The following DARS1 variants were observed in gnomAD, a reference collection of about 807,000 sequenced individuals.
DARS1 encodes the protein aspartyl-tRNA synthetase 1, also known as aspartate--tRNA ligase, cytoplasmic.
DARS1 carries 51 observed loss-of-function variants against 68.8 expected under a neutral mutation model. That is an observed-to-expected ratio of 0.74 (90% CI 0.59 to 0.94). DARS1 has a LOEUF of 0.94. Ranked by LOEUF, DARS1 falls within the 40% of genes least tolerant of loss-of-function variation. DARS1 has a pLI of 0.00. For missense variants in DARS1, 607 were observed against 597.3 expected, an observed-to-expected ratio of 1.02 and a Z score of -0.17; for synonymous variants, 203 against 190.4, an observed-to-expected ratio of 1.07 and a Z score of -0.55.
intron 1 of DARS1, chr2:135,985,108 T>C (rs1682743356): frequency 6.1e-6 from 3 of 493,592 alleles, no homozygotes; most frequent in African/African-American, 3.8e-5. Context: ...CCAGAGAGAC[T>C]CAAGTGTGAC....
Position 135,907,340 on chromosome 2 carries a change from A to G in DARS1, c.1482T>C (p.Arg494=), listed in dbSNP as rs766655730. Residue 494 remains arginine, a synonymous_variant, in exon 16 of 16, where the codon CGT becomes CGC. Coordinates refer to ENST00000264161, the MANE Select transcript of DARS1 (RefSeq NM_001349.4). ...HNVRQTSMFP[R]DPKRLTP is the part of the protein sequence containing the mutation. Reference sequence around the variant, plus strand: ...TTTAAGGAGTGAGTCGTTTGGGATCACGAGGGAACATGGAGGTCTGACGAA... The same window carrying G: ...TTTAAGGAGTGAGTCGTTTGGGATCGCGAGGGAACATGGAGGTCTGACGAA... 3.7e-6 allele frequency: 6 copies of G among 1,600,388 alleles called. No homozygotes were observed. The South Asian group carries it at 5.5e-5, about 15-fold the overall frequency.
At chr2:135,940,300 G>A (rs1021368956) in intron 5 of DARS1, among the ~76,000 whole-genome samples, 15 of 152,288 alleles carry the variant, frequency 9.8e-5, no homozygotes, top group African/African-American at 3.4e-4. Flanking sequence ...ACATCAAAAA[G>A]CTTATCCACT....
intron 5 of DARS1, among the ~76,000 whole-genome samples, chr2:135,940,582 C>G (rs1484965370): frequency 6.6e-6 from 1 of 152,134 alleles, no homozygotes; most frequent in East Asian, 1.9e-4. Flanking sequence ...TGGAAGTATT[C>G]CCTTTGAAAA....
At chr2:135,908,333 G>C (rs1558774319) in intron 15 of DARS1, among the ~76,000 whole-genome samples, 1 of 152,210 alleles carries the variant, frequency 6.6e-6, no homozygotes, top group Admixed American at 6.5e-5. Context: ...ATTTTTAAGT[G>C]TCCAGTTTAG....
At chr2:135,913,197 T>C (rs1487732333) in intron 12 of DARS1, among the ~76,000 whole-genome samples, 1 of 152,162 alleles carries the variant, frequency 6.6e-6, no homozygotes, top group African/African-American at 2.4e-5. Flanking sequence ...AAAAAAATTA[T>C]CTCAAATCCT....
intron 10 of DARS1, 82 bp downstream of exon 10, chr2:135,920,371 A>G: frequency 6.7e-7 from 1 of 1,490,122 alleles, no homozygotes; most frequent in Non-Finnish European, 8.9e-7. Context: ...TTAAGTTTGT[A>G]TGTTTAAATT....
At chr2:135,943,870 T>C (rs1681660486) in intron 4 of DARS1, among the ~76,000 whole-genome samples, 1 of 152,148 alleles carries the variant, frequency 6.6e-6, no homozygotes, top group South Asian at 2.1e-4. Flanking sequence ...ATAAATGCAA[T>C]TACTGGTATG....
chr2:135,964,929 A>T (rs939384941), intron 3 of DARS1, among the ~76,000 whole-genome samples: 3 of 151,932 alleles, frequency 2.0e-5, no homozygotes, highest in African/African-American at 4.8e-5. Flanking sequence ...ATTCTAAAAA[A>T]TTTTTCTTAT....
chr2:135,966,401 A>G (rs865940235), intron 3 of DARS1, among the ~76,000 whole-genome samples: 3 of 152,270 alleles, frequency 2.0e-5, no homozygotes, highest in Non-Finnish European at 4.4e-5. Flanking sequence ...TATGAACTTT[A>G]GAGGGCAGAT....
intron 7 of DARS1, among the ~76,000 whole-genome samples, chr2:135,926,160 G>T (rs1681208059): frequency 6.6e-6 from 1 of 152,076 alleles, no homozygotes; most frequent in Non-Finnish European, 1.5e-5. Flanking sequence ...CAAAGTGCTG[G>T]GATTACAGGT....
intron 4 of DARS1, among the ~76,000 whole-genome samples, chr2:135,953,897 T>G (rs989228815): frequency 1.3e-5 from 2 of 151,740 alleles, no homozygotes; most frequent in African/African-American, 4.8e-5. Context: ...CCACTTTTTA[T>G]TTATTTTTAA....
At chr2:135,965,441 T>C (rs928344456) in intron 3 of DARS1, among the ~76,000 whole-genome samples, 3 of 151,970 alleles carry the variant, frequency 2.0e-5, no homozygotes, top group Non-Finnish European at 4.4e-5. Flanking sequence ...AAAAAAACCA[T>C]AGTAAGTAAA....
At chr2:135,950,306 A>C (rs1035098220) in intron 4 of DARS1, among the ~76,000 whole-genome samples, 2 of 152,248 alleles carry the variant, frequency 1.3e-5, no homozygotes, top group African/African-American at 4.8e-5. Context: ...AACTGATCTA[A>C]GACAGAATTA....
At position 135,925,861 on chromosome 2, in the gene DARS1, C is replaced by T. The variant is rs371645378; in HGVS notation, c.565-1363G>A. ...CAAAAAGCTGTTTCACTGTTACTGA[C>T]AAATGTACAGAGATGTATTTCACTT... On this transcript the variant is annotated intron_variant, in intron 7 of 15. Transcript: ENST00000264161. 3.3e-5 allele frequency among the ~76,000 whole-genome samples: 5 copies of T among 152,270 alleles called. No individual in the cohort carries two copies. The East Asian group carries it at 9.6e-4, about 29-fold the overall frequency.
intron 7 of DARS1, among the ~76,000 whole-genome samples, chr2:135,928,672 CTTTT>C (rs755852990): frequency 7.4e-6 from 1 of 134,810 alleles, no homozygotes. Flanking sequence ...TTTCTTTTTC[CTTTT>C]TTTTTTTTTT....
chr2:135,967,563 T>TTA (rs1682264105), intron 3 of DARS1, among the ~76,000 whole-genome samples: 1 of 152,220 alleles, frequency 6.6e-6, no homozygotes, highest in Admixed American at 6.5e-5. Context: ...TTTAGGGATG[T>TTA]TATATATAAA....
At chr2:135,912,702 C>T (rs1680921975) in intron 12 of DARS1, 136 bp from the exon 13 acceptor site, 1 of 428,162 alleles carries the variant, frequency 2.3e-6, no homozygotes, top group Non-Finnish European at 4.2e-6. Flanking sequence ...GAATATCTTG[C>T]TTTTTTCAGT....
intron 4 of DARS1, among the ~76,000 whole-genome samples, chr2:135,950,209 G>A (rs184036352): frequency 2.6e-5 from 4 of 152,272 alleles, no homozygotes; most frequent in Non-Finnish European, 1.5e-5. Flanking sequence ...TCTTTGGGCA[G>A]TAACATTCAA....
At chr2:135,976,483 A>C (rs1682499881) in intron 3 of DARS1, among the ~76,000 whole-genome samples, 1 of 152,204 alleles carries the variant, frequency 6.6e-6, no homozygotes, top group South Asian at 2.1e-4. Context: ...TGACACTCAT[A>C]AATTCTCCCT....
Sources: gnomAD v4.1 joint callset for allele counts (sites outside exome capture counted in the v4.1 genomes callset) on GRCh38, gnomAD v4.1.1 for gene constraint, MANE v1.5 for transcripts, NCBI Gene and HGNC (gene_info 2026-07-23, HGNC 2026-07-21) for gene names.